TIPIN: variants seen among roughly 807,000 people sequenced by gnomAD.
TIPIN encodes TIMELESS interacting protein.
In TIPIN, 29 loss-of-function variants were observed where a neutral mutation model predicts 35.6. The observed-to-expected ratio is 0.82, with a 90% CI of 0.61 to 1.11. The LOEUF is 1.11. TIPIN is among the 50% of genes most tolerant of loss of function. The pLI, the probability that TIPIN is intolerant of heterozygous loss-of-function variation, is 0.00. For synonymous variants in TIPIN, 102 were observed against 121.5 expected (o/e 0.84, Z 1.06); for missense variants, 296 against 345.4 (o/e 0.86, Z 1.13).
Position 66,379,058 on chromosome 15 carries a change from G to T in TIPIN, c.-9+7549C>A, listed in dbSNP as rs538906567. ...ACAGGCATGAGCCGCCGTGCACAAA[G>T]TTTTTTTTTTTGTAGAGATGGAGTC... On this transcript the variant is annotated intron_variant, in intron 1 of 7. Transcript: ENST00000562124. 7.5e-4 allele frequency among the ~76,000 whole-genome samples: 110 copies of T among 147,178 alleles called. 1 individual carries two copies. Among genetic ancestry groups the T allele is most frequent in the South Asian group, 1.5e-3 (7 of 4,656 alleles).
chr15:66,379,687 C>T (rs2140500344), intron 1 of TIPIN: 12 of 1,611,368 alleles, frequency 7.4e-6, no homozygotes, highest in Non-Finnish European at 1.0e-5. Flanking sequence ...ATGTTCTGTA[C>T]ATGACTACAA....
At chr15:66,370,138 T>C (rs530181055) in intron 1 of TIPIN, among the ~76,000 whole-genome samples, 1 of 152,256 alleles carries the variant, frequency 6.6e-6, no homozygotes, top group Non-Finnish European at 1.5e-5. Flanking sequence ...ACAGCTGCCC[T>C]CGAGGAAGCT....
intron 3 of TIPIN, 66 bp downstream of exon 3, chr15:66,352,063 A>T (rs1237135041): frequency 1.5e-6 from 2 of 1,343,450 alleles, no homozygotes; most frequent in Non-Finnish European, 2.0e-6. Flanking sequence ...AGTTTATAAC[A>T]TTAGAAGAAA....
intron 1 of TIPIN, among the ~76,000 whole-genome samples, chr15:66,369,435 G>A (rs1010765094): frequency 2.2e-5 from 3 of 134,622 alleles, no homozygotes; most frequent in Non-Finnish European, 4.6e-5. Context: ...TGCAAGCTCC[G>A]CCTCCCGGGT....
At chr15:66,352,792 T>C in intron 2 of TIPIN, 23 bp downstream of exon 2, 1 of 1,582,818 alleles carries the variant, frequency 6.3e-7, no homozygotes, top group Non-Finnish European at 8.6e-7. Flanking sequence ...CACAGCCTCC[T>C]TTTTAAAACT....
At chr15:66,353,831 TG>T (rs1324443327) in intron 1 of TIPIN, among the ~76,000 whole-genome samples, 1 of 152,058 alleles carries the variant, frequency 6.6e-6, no homozygotes, top group Non-Finnish European at 1.5e-5. Context: ...AGTTTTTTTC[TG>T]GGAAAAATGT....
At chr15:66,374,031 G>A (rs1017997630) in intron 1 of TIPIN, among the ~76,000 whole-genome samples, 4 of 152,124 alleles carry the variant, frequency 2.6e-5, no homozygotes, top group Non-Finnish European at 4.4e-5. Context: ...CCAGAATAGT[G>A]GACGTAGTAT....
At chr15:66,363,709 G>A (rs899858232) in intron 1 of TIPIN, among the ~76,000 whole-genome samples, 7 of 146,844 alleles carry the variant, frequency 4.8e-5, no homozygotes, top group African/African-American at 1.8e-4. Flanking sequence ...ACCGCTGGGT[G>A]CGGTGGCTCA....
intron 6 of TIPIN, among the ~76,000 whole-genome samples, chr15:66,344,799 GTCGAGGCTGCAGAGC>G (rs1456796203): frequency 6.6e-6 from 1 of 152,178 alleles, no homozygotes; most frequent in Non-Finnish European, 1.5e-5. Flanking sequence ...AGCCCTGGAG[GTCGAGGCTGCAGAGC>G]TATGATCATG....
chr15:66,351,840 C>T (rs903326467), intron 3 of TIPIN, among the ~76,000 whole-genome samples: 14 of 151,928 alleles, frequency 9.2e-5, no homozygotes, highest in African/African-American at 2.9e-4. Context: ...GGGGTTTCAC[C>T]GTATTAGCCA....
In TIPIN at chr15:66,350,938, T is replaced by TAA. The variant is rs35214451; in HGVS notation, c.288+585_288+586dup. Among the ~76,000 whole-genome samples the TAA allele has an allele frequency of 2.1e-3, 174 of 82,254 alleles. 2 individuals carry two copies. Among genetic ancestry groups the TAA allele is most frequent in the Non-Finnish European group, 2.8e-3 (121 of 43,538 alleles). The allele number at this position is 82,254 out of a possible 152,430, so 54.0% of individuals were successfully genotyped here. A position where few individuals can be genotyped will look rare whatever the true frequency, so the allele number is the denominator to read the frequency against. ...CAACAGAGCAAGCAAGACTCCGTCT[T>TAA]AAAAAAAAAAAAAAAAAAAAAAGAA... On this transcript the variant is annotated intron_variant, in intron 4 of 7. Transcript: ENST00000261881.
At position 66,352,176 on chromosome 15, in the gene TIPIN, A is replaced by G. The variant is rs770591880; in HGVS notation, c.165T>C (p.Pro55=). 1.2e-6 allele frequency: 2 copies of G among 1,610,748 alleles called. No individual in the cohort carries two copies. The highest frequency in any genetic ancestry group is 2.2e-5 in the East Asian group (1 of 44,766). The change falls in exon 3 of 8, where the codon CCT becomes CCC. Residue 55 remains proline (P), a synonymous_variant. Coordinates refer to ENST00000261881, the MANE Select transcript of TIPIN (RefSeq NM_017858.3). ...ESGNGAPVRV[P]PKRTVKRNIP... is the part of the protein sequence containing the mutation. ...TATTTCTTTTAACTGTTCTCTTTGG[A>G]GGTACACGAACAGGTGCTCCATTTC...
rs756349771 is a variant in TIPIN at position 66,349,402 on chromosome 15, C to T, written c.324G>A (p.Glu108=). 22 of 1,613,758 alleles carry T rather than the reference C, an allele frequency of 1.4e-5. No individual in the cohort carries two copies. In the East Asian group the frequency reaches 4.9e-4, roughly 36 times the overall value. ...EDLKMLIRHM[E]HWAHRLFPKL... The stretch of plus-strand genomic sequence containing the variant: ...TAGGGAATAGCCTATGTGCCCAGTG[C>T]TCCATGTGTCTGATTAGCATCTTCA... The change falls in exon 5 of 8, where the codon GAG becomes GAA. Residue 108 remains glutamate (E), a synonymous_variant. Transcript: ENST00000261881.
chr15:66,338,634 G>A (rs1595781044), intron 7 of TIPIN, among the ~76,000 whole-genome samples: 1 of 151,830 alleles, frequency 6.6e-6, no homozygotes, highest in East Asian at 1.9e-4. Flanking sequence ...CTGATACGGT[G>A]AAACCCTGTC....
In TIPIN at chr15:66,365,569, C is replaced by T. The variant is rs551331963; in HGVS notation, c.-8-12614G>A. On this transcript the variant is annotated intron_variant, in intron 1 of 7. Coordinates refer to the TIPIN transcript ENST00000562124. ...GTTTTTTTTGTTTTTTCTGTTGAGA[C>T]GGAGTTTAGCTCTGTCGCCCAGGTT... Among the ~76,000 whole-genome samples, 329 of 152,206 alleles carry T rather than the reference C, an allele frequency of 2.2e-3. 1 individual carries two copies. Among genetic ancestry groups the T allele is most frequent in the Non-Finnish European group, 3.4e-3 (230 of 68,002 alleles).
upstream of TIPIN, among the ~76,000 whole-genome samples, chr15:66,361,612 C>T (rs536637372): frequency 6.7e-6 from 1 of 150,034 alleles, no homozygotes; most frequent in East Asian, 2.0e-4. Flanking sequence ...GTCTTCTTTT[C>T]ATACATGAGG....
intron 1 of TIPIN, among the ~76,000 whole-genome samples, chr15:66,364,848 C>T (rs529434796): frequency 6.6e-6 from 1 of 151,414 alleles, no homozygotes; most frequent in Non-Finnish European, 1.5e-5. Flanking sequence ...CGCCTGTAAT[C>T]CCAGCTACTT....
intron 1 of TIPIN, chr15:66,382,870 A>G: frequency 1.2e-6 from 1 of 804,670 alleles, no homozygotes; most frequent in Non-Finnish European, 1.5e-6. Context: ...GTTCAGTCTT[A>G]TTCTTGTCTG....
intron 7 of TIPIN, 77 bp downstream of exon 7, chr15:66,341,073 G>A (rs1321331365): frequency 3.1e-6 from 4 of 1,292,598 alleles, no homozygotes; most frequent in Non-Finnish European, 4.4e-6. Flanking sequence ...TATTTTGGGG[G>A]CTAGCAGAGA....
Sources: gnomAD v4.1 joint callset for allele counts (sites outside exome capture counted in the v4.1 genomes callset) on GRCh38, gnomAD v4.1.1 for gene constraint, MANE v1.5 for transcripts, NCBI Gene and HGNC (gene_info 2026-07-23, HGNC 2026-07-21) for gene names.